CCDC88C: variants seen among roughly 807,000 people sequenced by gnomAD.
The protein encoded by CCDC88C is coiled-coil and HOOK domain protein 88C, also known as protein Daple.
CCDC88C carries 131 observed loss-of-function variants against 198.8 expected under a neutral mutation model. The observed-to-expected ratio is 0.66, with a 90% CI of 0.57 to 0.76. CCDC88C has a LOEUF of 0.76. Ranked by LOEUF, CCDC88C falls within the 30% of genes least tolerant of loss-of-function variation. The pLI is 0.00. For missense variants in CCDC88C, 2,553 were observed against 2,631.6 expected, an observed-to-expected ratio of 0.97 and a Z score of 0.65; for synonymous variants, 1,166 against 1,114.7, an observed-to-expected ratio of 1.05 and a Z score of -0.92.
intron 13 of CCDC88C, chr14:91,316,002 C>T (rs548334159): frequency 3.4e-5 from 18 of 532,546 alleles, no homozygotes; most frequent in Non-Finnish European, 3.7e-5. Flanking sequence ...ATCCCCCCAG[C>T]GTCCCTCTGC....
chr14:91,297,424 T>C lies in CCDC88C; in HGVS notation c.3847A>G (p.Lys1283Glu). The C allele has an allele frequency of 6.2e-7, 1 of 1,607,432 alleles. No individual in the cohort carries two copies. The highest frequency in any genetic ancestry group is 1.3e-5 in the African/African-American group (1 of 74,938). ...AGCTGCGCGTTGTTCAGTGAGGTTT[T>C]CAGCTCCTTGGTGTGGGCGTGCAGC... is the stretch of plus-strand genomic sequence containing the variant. ...EELHAHTKEL[K>E]TSLNNAQLEL... Residue 1283 changes from lysine (K) to glutamate (E), a missense_variant, in exon 22 of 30, where the codon AAA becomes GAA. By Grantham distance (56) the Lys-to-Glu change is moderately conservative (BLOSUM62 1). Around this residue, in one of 2 missense-constraint regions of CCDC88C, gnomAD observed 1,293 missense variants for 1,219.6 expected, o/e 1.06. Transcript: ENST00000389857.
intron 24 of CCDC88C, 120 bp from the exon 25 acceptor site, chr14:91,289,463 T>C (rs1420303659): frequency 7.0e-6 from 6 of 857,530 alleles, no homozygotes; most frequent in Non-Finnish European, 1.2e-5. Context: ...GCCACTCACG[T>C]GGGGTTCAGG....
At chr14:91,330,874 G>C (rs1194959501) in intron 10 of CCDC88C, among the ~76,000 whole-genome samples, 1 of 152,108 alleles carries the variant, frequency 6.6e-6, no homozygotes, top group Non-Finnish European at 1.5e-5. Context: ...AAGGGAAGGC[G>C]GCAGGGCAGG....
rs906607397 is a variant in CCDC88C at position 91,416,731 on chromosome 14, A to AACT, written c.161+4_161+6dup. 19 of 1,582,610 alleles carry AACT rather than the reference A, an allele frequency of 1.2e-5. No homozygotes were observed. Among genetic ancestry groups the AACT allele is most frequent in the Non-Finnish European group, 1.6e-5 (19 of 1,151,810 alleles). ...TCTTTCCTTCCTCCGAGAAGAAGGTAACTTACATTTGCAGCATAATTTGGT... is the reference window on the plus strand; with the variant it reads ...TCTTTCCTTCCTCCGAGAAGAAGGTAACTACTTACATTTGCAGCATAATTTGGT... On this transcript the variant is annotated splice_region_variant and intron_variant, in intron 2 of 29. Coordinates refer to ENST00000389857, the MANE Select transcript of CCDC88C (RefSeq NM_001080414.4).
At chr14:91,277,009 G>A (rs1344719621) in intron 29 of CCDC88C, among the ~76,000 whole-genome samples, 3 of 151,962 alleles carry the variant, frequency 2.0e-5, no homozygotes, top group Non-Finnish European at 2.9e-5. Context: ...TCGCTCTGTC[G>A]CTCAAGATGG....
At chr14:91,391,689 GAATCGCT>G (rs1885514796) in intron 3 of CCDC88C, among the ~76,000 whole-genome samples, 1 of 152,164 alleles carries the variant, frequency 6.6e-6, no homozygotes, top group South Asian at 2.1e-4. Context: ...TGAGGCAGGA[GAATCGCT>G]TGATCCCAGG....
intron 24 of CCDC88C, among the ~76,000 whole-genome samples, chr14:91,290,681 C>T (rs1049129539): frequency 3.3e-5 from 5 of 152,326 alleles, no homozygotes; most frequent in Admixed American, 2.0e-4. Flanking sequence ...AATCCTGAGA[C>T]GAAAACCTGA....
intron 4 of CCDC88C, 67 bp from the exon 5 acceptor site, chr14:91,343,724 C>T (rs771259764): frequency 5.4e-5 from 86 of 1,593,924 alleles, no homozygotes; most frequent in Non-Finnish European, 7.0e-5. Flanking sequence ...ACATGTTTAC[C>T]GTAGGGAAAA....
intron 12 of CCDC88C, among the ~76,000 whole-genome samples, chr14:91,322,071 A>C (rs1049240101): frequency 6.6e-6 from 1 of 151,936 alleles, no homozygotes; most frequent in Non-Finnish European, 1.5e-5. Context: ...GGAGGGGAAA[A>C]AAAAAGGTAT....
At chr14:91,394,110 T>G (rs1054014559) in intron 3 of CCDC88C, among the ~76,000 whole-genome samples, 7 of 152,194 alleles carry the variant, frequency 4.6e-5, no homozygotes, top group Non-Finnish European at 1.0e-4. Flanking sequence ...TTAAAGTCAT[T>G]CAGCCTAAAC....
Position 91,299,940 on chromosome 14 carries a change from C to T in CCDC88C, c.3766G>A (p.Gly1256Ser). ...LAMGENQRLR[G>S]ELDRVNFLHH... ...GCCGGCGCTCACCTGTCCAGCTCGC[C>T]CCGCAGCCTCTGGTTCTCGCCCATG... The change falls in exon 21 of 30, where the codon GGC becomes AGC. Residue 1256 changes from glycine (G) to serine (S), a missense_variant. This residue lies in a region of CCDC88C where 1,293 missense variants were observed against 1,219.6 expected (regional missense o/e 1.06). Coordinates refer to ENST00000389857, the MANE Select transcript of CCDC88C (RefSeq NM_001080414.4). 1 of 1,588,662 alleles carries T rather than the reference C, an allele frequency of 6.3e-7. No individual in the cohort carries two copies. The highest frequency in any genetic ancestry group is 8.5e-7 in the Non-Finnish European group (1 of 1,171,110).
intron 3 of CCDC88C, among the ~76,000 whole-genome samples, chr14:91,369,746 G>A (rs1303812220): frequency 6.6e-6 from 1 of 152,110 alleles, no homozygotes; most frequent in East Asian, 1.9e-4. Flanking sequence ...TTTATGTTAC[G>A]AGGCTGTCAT....
At position 91,313,148 on chromosome 14, in the gene CCDC88C, C is replaced by A; in HGVS notation, c.2668G>T (p.Glu890Ter). The change falls in exon 15 of 30, where the codon GAG (glutamate) becomes TAG (stop). Residue 890 changes from glutamate to a stop codon, truncating the protein, a stop_gained. Coordinates refer to ENST00000389857, the MANE Select transcript of CCDC88C (RefSeq NM_001080414.4). LOFTEE classifies it high-confidence loss of function. This position sits in a 1 kb window ranked among gnomAD's most constrained non-coding sequence, Gnocchi z 5.2. ...RDAAGKLKEL[E>*]KDNRDLTKQV... ...TTGGTGAGGTCCCGGTTGTCCTTCTCCAGCTCCTTCAGCTTGCCGGCTGCG... is the reference window on the plus strand; with the variant it reads ...TTGGTGAGGTCCCGGTTGTCCTTCTACAGCTCCTTCAGCTTGCCGGCTGCG... The A allele has an allele frequency of 6.2e-7, 1 of 1,610,706 alleles. No individual in the cohort carries two copies. The highest frequency in any genetic ancestry group is 8.5e-7 in the Non-Finnish European group (1 of 1,177,682).
chr14:91,293,558 G>C (rs373617222), intron 23 of CCDC88C, among the ~76,000 whole-genome samples: 20 of 20,058 alleles, frequency 1.0e-3, no homozygotes, highest in East Asian at 1.7e-3. Flanking sequence ...CTGTCCCCTC[G>C]CCTGCCACGG....
intron 4 of CCDC88C, 135 bp downstream of exon 4, chr14:91,359,507 A>G: frequency 1.4e-6 from 1 of 699,560 alleles, no homozygotes; most frequent in Non-Finnish European, 2.5e-6. Flanking sequence ...CCCACTCTTT[A>G]AAATCTCACC....
chr14:91,348,888 A>C (rs1285802), intron 4 of CCDC88C, among the ~76,000 whole-genome samples: 3 of 152,076 alleles, frequency 2.0e-5, no homozygotes, highest in African/African-American at 7.2e-5. Flanking sequence ...ATTAACAAAA[A>C]CATCCTGTGA....
rs1249701557 is a variant in CCDC88C at position 91,283,210 on chromosome 14, T to C, written c.4630+119A>G. 5 of 1,035,498 alleles carry C rather than the reference T, an allele frequency of 4.8e-6. No homozygotes were observed. In the African/African-American group the frequency reaches 6.4e-5, roughly 13 times the overall value. 64.1% of individuals were successfully genotyped at this position (1,035,498 alleles called of 1,614,324 possible). On this transcript the variant is annotated intron_variant, in intron 26 of 29. Coordinates refer to ENST00000389857, the MANE Select transcript of CCDC88C (RefSeq NM_001080414.4). ...CAAAGCCTGTCAGCAGCCTCACCCC[T>C]CTACTCACCACCTCTCAGACTGAGA...
intron 3 of CCDC88C, among the ~76,000 whole-genome samples, chr14:91,387,000 C>T (rs1885188650): frequency 6.6e-6 from 1 of 152,184 alleles, no homozygotes; most frequent in African/African-American, 2.4e-5. Flanking sequence ...TTTAAATATA[C>T]TAACTTATTT....
chr14:91,343,276 A>C (rs1294370944), intron 5 of CCDC88C, among the ~76,000 whole-genome samples: 1 of 152,198 alleles, frequency 6.6e-6, no homozygotes, highest in Non-Finnish European at 1.5e-5. Flanking sequence ...CTTTATTTAC[A>C]AATACAGGCA....
Sources: allele counts gnomAD v4.1 joint callset (sites outside exome capture counted in the v4.1 genomes callset), GRCh38; gene constraint gnomAD v4.1.1; regional missense constraint gnomAD v4.1.1; non-coding constraint Gnocchi (gnomAD v3.1); transcripts MANE v1.5; gene names NCBI Gene and HGNC (gene_info 2026-07-23, HGNC 2026-07-21).